The following TAAR2 variants were observed in gnomAD, a reference collection of about 807,000 sequenced individuals.
TAAR2 encodes trace amine associated receptor 2, also known as trace amine-associated receptor 2.
In TAAR2, 30 loss-of-function variants were observed where a neutral mutation model predicts 25.5. The ratio of observed to expected loss-of-function variants is 1.18; its 90% CI spans 0.88 to 1.60. The LOEUF (loss-of-function observed/expected upper bound fraction) is 1.60. TAAR2 is among the 40% of genes most tolerant of loss of function. The pLI is 0.00. For missense variants in TAAR2, 481 were observed against 416.5 expected, an observed-to-expected ratio of 1.15 and a Z score of -1.35; for synonymous variants, 150 against 142.4, an observed-to-expected ratio of 1.05 and a Z score of -0.38.
intron 1 of TAAR2, among the ~76,000 whole-genome samples, chr6:132,619,898 G>T (rs1256041139): frequency 1.3e-5 from 2 of 152,168 alleles, no homozygotes; most frequent in East Asian, 3.8e-4. Context: ...ATGAAGAAAA[G>T]ACACAAGGCT....
In TAAR2 at chr6:132,617,250, T is replaced by C. The variant is rs1562194344; in HGVS notation, c.956A>G (p.Tyr319Cys). 1.2e-6 allele frequency: 2 copies of C among 1,613,696 alleles called. No homozygotes were observed. The highest frequency in any genetic ancestry group is 1.7e-4 in the Middle Eastern group (1 of 6,060). ...CTTCAGTGCTCTGCGAAACCAGGGATAGAAGAAACCATATATTAACGGATT... is the reference window on the plus strand; with the variant it reads ...CTTCAGTGCTCTGCGAAACCAGGGACAGAAGAAACCATATATTAACGGATT... ...TCNPLIYGFF[Y>C]PWFRRALKYI... is the part of the protein sequence containing the mutation. The change falls in exon 2 of 2, where the codon TAT becomes TGT. Residue 319 changes from tyrosine to cysteine, a missense_variant. By Grantham distance (194) the Tyr-to-Cys change is radical. Coordinates refer to ENST00000367931, the MANE Select transcript of TAAR2 (RefSeq NM_001033080.1).
At chr6:132,622,120 A>G (rs959390951) in intron 1 of TAAR2, among the ~76,000 whole-genome samples, 2 of 152,072 alleles carry the variant, frequency 1.3e-5, no homozygotes, top group Non-Finnish European at 2.9e-5. Flanking sequence ...TTTCGCCATT[A>G]CTGTTACGTT....
chr6:132,617,242 A>C lies in TAAR2; in HGVS notation c.964T>G (p.Phe322Val). 1 of 1,613,630 alleles carries C rather than the reference A, an allele frequency of 6.2e-7. No homozygotes were observed. The highest frequency in any genetic ancestry group is 8.5e-7 in the Non-Finnish European group (1 of 1,179,886). The change falls in exon 2 of 2, where the codon TTT (phenylalanine) becomes GTT (valine). Residue 322 changes from phenylalanine (F) to valine (V), a missense_variant. Physicochemically the swap from Phe to Val is conservative, Grantham distance 50 (BLOSUM62 -1). Transcript: ENST00000367931. ...PLIYGFFYPW[F>V]RRALKYILLG... ...AAAATGTACTTCAGTGCTCTGCGAA[A>C]CCAGGGATAGAAGAAACCATATATT...
rs1428846541 is a variant in TAAR2, at chr6:132,617,563, T to A, written c.643A>T (p.Met215Leu). 6.2e-7 allele frequency: 1 copy of A among 1,613,852 alleles called. No individual in the cohort carries two copies. Among genetic ancestry groups the A allele is most frequent in the East Asian group, 2.2e-5 (1 of 44,838 alleles). The change falls in exon 2 of 2, where the codon ATG becomes TTG. Residue 215 changes from methionine to leucine, a missense_variant. Coordinates refer to ENST00000367931, the MANE Select transcript of TAAR2 (RefSeq NM_001033080.1). ...FNKLWGTTLF[M>L]AGFFTPGSMM... ...GACCCAGGAGTGAAGAAACCTGCCA[T>A]AAACAAGGTGGTCCCCCATAGCTTG...
In TAAR2 at chr6:132,624,261, T is replaced by A; in HGVS notation, c.15A>T (p.Ser5=). ...TGAAATGTGAAAGTTCATGTTGCTC[T>A]GATGAGACAGCCATGGGAGGCAAGA... is the stretch of plus-strand genomic sequence containing the variant. MAVS[S]EQHELSHFKR... The change falls in exon 1 of 2, where the codon TCA becomes TCT. Residue 5 remains serine, a synonymous_variant. Coordinates refer to ENST00000367931, the MANE Select transcript of TAAR2 (RefSeq NM_001033080.1). 6.2e-7 allele frequency: 1 copy of A among 1,613,532 alleles called. No homozygotes were observed. Among genetic ancestry groups the A allele is most frequent in the Non-Finnish European group, 8.5e-7 (1 of 1,179,660 alleles).
intron 1 of TAAR2, 119 bp from the exon 2 acceptor site, chr6:132,618,264 G>T: frequency 3.3e-6 from 3 of 909,250 alleles, no homozygotes; most frequent in Non-Finnish European, 4.9e-6. Flanking sequence ...AATTTATGCT[G>T]TAATATTACT....
At chr6:132,621,605 A>G (rs1226670094) in intron 1 of TAAR2, among the ~76,000 whole-genome samples, 1 of 21,040 alleles carries the variant, frequency 4.8e-5, no homozygotes, top group East Asian at 1.4e-3. Flanking sequence ...TGATATTATT[A>G]ATCATCTTGC....
intron 1 of TAAR2, 131 bp from the exon 2 acceptor site, chr6:132,618,276 A>G (rs1777328341): frequency 1.2e-6 from 1 of 846,048 alleles, no homozygotes; most frequent in African/African-American, 1.7e-5. Context: ...AATATTACTC[A>G]TGATCTTTCC....
rs147910372 is a variant in TAAR2, at chr6:132,622,634, T to C, written c.60+1582A>G. 7.2e-5 allele frequency among the ~76,000 whole-genome samples: 11 copies of C among 151,938 alleles called. No individual in the cohort carries two copies. The East Asian group carries it at 7.8e-4, about 11-fold the overall frequency. On this transcript the variant is annotated intron_variant, in intron 1 of 1. Coordinates refer to ENST00000367931, the MANE Select transcript of TAAR2 (RefSeq NM_001033080.1). ...CTGAGTAGCTGGGACTACAGGCACG[T>C]GCCACCACACCTGGCTAATTTTTGT...
At chr6:132,621,126 T>C (rs1777366067) in intron 1 of TAAR2, among the ~76,000 whole-genome samples, 1 of 151,150 alleles carries the variant, frequency 6.6e-6, no homozygotes, top group South Asian at 2.1e-4. Context: ...GGTTTATTTT[T>C]AAATCACTTT....
rs201879888 is a variant in TAAR2 at position 132,617,206 on chromosome 6, T to C, written c.1000A>G (p.Ile334Val). 2.9e-5 allele frequency: 47 copies of C among 1,606,840 alleles called. No individual in the cohort carries two copies. Among genetic ancestry groups the C allele is most frequent in the Non-Finnish European group, 8.5e-7 (1 of 1,178,364 alleles). ...GTATTATGGAAACATGAGCTGAAAATTTTACCTAGCAAAATGTACTTCAGT... is the reference window on the plus strand; with the variant it reads ...GTATTATGGAAACATGAGCTGAAAACTTTACCTAGCAAAATGTACTTCAGT... ...RALKYILLGK[I>V]FSSCFHNTIL... Residue 334 changes from isoleucine to valine, a missense_variant, in exon 2 of 2, where the codon ATT (isoleucine) becomes GTT (valine). Ile to Val is a conservative substitution (Grantham distance 29). Coordinates refer to ENST00000367931, the MANE Select transcript of TAAR2 (RefSeq NM_001033080.1).
chr6:132,618,741 A>G (rs918753740), intron 1 of TAAR2, among the ~76,000 whole-genome samples: 1 of 152,228 alleles, frequency 6.6e-6, no homozygotes, highest in Non-Finnish European at 1.5e-5. Flanking sequence ...AAAAGAAGAA[A>G]AAACAAATTA....
At chr6:132,624,131 T>C in intron 1 of TAAR2, 85 bp downstream of exon 1, 1 of 1,275,726 alleles carries the variant, frequency 7.8e-7, no homozygotes, top group Non-Finnish European at 1.1e-6. Context: ...GCATAATTAT[T>C]ATCTTTGTAA....
rs764889439 is a variant in TAAR2 at position 132,617,660 on chromosome 6, C to T, written c.546G>A (p.Glu182=). 8 of 1,613,888 alleles carry T rather than the reference C, an allele frequency of 5.0e-6. No individual in the cohort carries two copies. The Admixed American group carries it at 5.0e-5, about 10-fold the overall frequency. ...GAFAFGVVFS[E]AYADGIEGYD... ...AGCCCTCTATTCCATCTGCATAGGCCTCTGAGAAGACCACCCCGAAGGCAA... is the reference window on the plus strand; with the variant it reads ...AGCCCTCTATTCCATCTGCATAGGCTTCTGAGAAGACCACCCCGAAGGCAA... The change falls in exon 2 of 2, where the codon GAG becomes GAA. Residue 182 remains glutamate, a synonymous_variant. Transcript: ENST00000367931.
chr6:132,619,834 G>A (rs142593005), intron 1 of TAAR2, among the ~76,000 whole-genome samples: 4 of 152,278 alleles, frequency 2.6e-5, no homozygotes, highest in African/African-American at 9.6e-5. Context: ...GGGTCTCAAT[G>A]GGTGAGTAGG....
intron 1 of TAAR2, among the ~76,000 whole-genome samples, chr6:132,619,876 AC>A (rs1201329756): frequency 6.6e-6 from 1 of 152,188 alleles, no homozygotes; most frequent in Non-Finnish European, 1.5e-5. Flanking sequence ...CCTGTTCTAC[AC>A]AGAAGGTATG....
At chr6:132,624,151 A>G (rs1293305807) in intron 1 of TAAR2, 65 bp downstream of exon 1, 9 of 1,458,214 alleles carry the variant, frequency 6.2e-6, no homozygotes, top group African/African-American at 3.2e-5. Flanking sequence ...AATAATTCAC[A>G]TGTTTATGCC....
rs772190923 is a variant in TAAR2, at chr6:132,617,321, A to C, written c.885T>G (p.Val295=). 6.2e-7 allele frequency: 1 copy of C among 1,613,760 alleles called. No individual in the cohort carries two copies. Among genetic ancestry groups the C allele is most frequent in the South Asian group, 1.1e-5 (1 of 91,046 alleles). ...CAAACCATGTCAAGGCATCAAACAAAACTACAGGAGTAGAGAAGTTCAAAA... is the reference window on the plus strand; with the variant it reads ...CAAACCATGTCAAGGCATCAAACAACACTACAGGAGTAGAGAAGTTCAAAA... ...DPFLNFSTPV[V]LFDALTWFGY... is the part of the protein sequence containing the mutation. The change falls in exon 2 of 2, where the codon GTT becomes GTG. Residue 295 remains valine, a synonymous_variant. Coordinates refer to ENST00000367931, the MANE Select transcript of TAAR2 (RefSeq NM_001033080.1).
At chr6:132,618,555 G>A (rs764622974) in intron 1 of TAAR2, among the ~76,000 whole-genome samples, 1 of 151,986 alleles carries the variant, frequency 6.6e-6, no homozygotes, top group African/African-American at 2.4e-5. Context: ...CAGCAGAATC[G>A]CTGGAACCCA....
Sources: allele counts gnomAD v4.1 joint callset (sites outside exome capture counted in the v4.1 genomes callset), GRCh38; gene constraint gnomAD v4.1.1; transcripts MANE v1.5; gene names NCBI Gene and HGNC (gene_info 2026-07-23, HGNC 2026-07-21).